ERBB4: variants seen among roughly 807,000 people sequenced by gnomAD.
The protein encoded by ERBB4 is receptor tyrosine-protein kinase erbB-4.
In ERBB4, 42 loss-of-function variants were observed where a neutral mutation model predicts 158.0. That is an observed-to-expected ratio of 0.27 (90% CI 0.21 to 0.34). The LOEUF (loss-of-function observed/expected upper bound fraction) is 0.34. Ranked by LOEUF, ERBB4 falls within the 10% of genes least tolerant of loss-of-function variation. ERBB4 has a pLI of 1.00. For synonymous variants in ERBB4, 583 were observed against 558.7 expected, an observed-to-expected ratio of 1.04 and a Z score of -0.61; for missense variants, 1,333 against 1,624.1, an observed-to-expected ratio of 0.82 and a Z score of 3.08.
At chr2:211,870,858 C>A (rs542601372) in intron 3 of ERBB4, among the ~76,000 whole-genome samples, 171 of 152,142 alleles carry the variant, frequency 1.1e-3, no homozygotes, top group Non-Finnish European at 2.0e-3. Context: ...ATCAAGAATG[C>A]CTGATTTCTC....
At chr2:211,499,712 G>A (rs905853059) in intron 20 of ERBB4, among the ~76,000 whole-genome samples, 1 of 152,076 alleles carries the variant, frequency 6.6e-6, no homozygotes, top group Non-Finnish European at 1.5e-5. Context: ...TCACTCATAA[G>A]CATCAGAATT....
chr2:212,102,343 G>A (rs1318495405), intron 2 of ERBB4, among the ~76,000 whole-genome samples: 1 of 151,396 alleles, frequency 6.6e-6, no homozygotes, highest in African/African-American at 2.4e-5. Context: ...AATAAACGGG[G>A]AAAACATTTT....
chr2:212,350,241 T>C (rs538058530), intron 1 of ERBB4, among the ~76,000 whole-genome samples: 23 of 152,240 alleles, frequency 1.5e-4, no homozygotes, highest in Admixed American at 5.9e-4. Context: ...AATATAGAAA[T>C]GAATTTTCCT....
intron 4 of ERBB4, among the ~76,000 whole-genome samples, chr2:211,776,471 T>C (rs1318510014): frequency 6.6e-6 from 1 of 152,126 alleles, no homozygotes; most frequent in Non-Finnish European, 1.5e-5. Flanking sequence ...ATCTGGGTGA[T>C]CTAGAGGGCA....
intron 1 of ERBB4, among the ~76,000 whole-genome samples, chr2:212,132,995 A>G (rs2080153655): frequency 6.6e-6 from 1 of 152,090 alleles, no homozygotes; most frequent in Non-Finnish European, 1.5e-5. Context: ...ACATGATACA[A>G]CTATTGTATC....
At chr2:211,864,840 G>C (rs184593016) in intron 3 of ERBB4, among the ~76,000 whole-genome samples, 15 of 151,946 alleles carry the variant, frequency 9.9e-5, no homozygotes, top group Admixed American at 8.5e-4. Context: ...GTGGCACCCT[G>C]TCTCTACTAA....
intron 2 of ERBB4, among the ~76,000 whole-genome samples, chr2:211,986,818 C>T (rs1250352799): frequency 1.3e-5 from 2 of 152,070 alleles, no homozygotes; most frequent in Non-Finnish European, 2.9e-5. Flanking sequence ...TTACTAATTA[C>T]ATCTAAATAT....
Position 211,706,520 on chromosome 2 carries a change from G to T in ERBB4, c.1125-1129C>A, listed in dbSNP as rs2073445779. ...TCAGTTCCAGCAACCTTGATCTCTG[G>T]AACCACCTTGTACTGGCTTCCTGAA... On this transcript the variant is annotated intron_variant, in intron 9 of 27. Coordinates refer to ENST00000342788, the MANE Select transcript of ERBB4 (RefSeq NM_005235.3). Among the ~76,000 whole-genome samples, 3 of 150,528 alleles carry T rather than the reference G, an allele frequency of 2.0e-5. No individual in the cohort carries two copies. The South Asian group carries it at 6.3e-4, about 32-fold the overall frequency.
intron 1 of ERBB4, among the ~76,000 whole-genome samples, chr2:212,188,118 C>G (rs184106111): frequency 6.7e-6 from 1 of 149,836 alleles, no homozygotes; most frequent in Admixed American, 6.8e-5. Flanking sequence ...TTGCTCAAGT[C>G]AGAGATCAGG....
At chr2:211,827,748 C>A (rs2105960984) in intron 3 of ERBB4, among the ~76,000 whole-genome samples, 1 of 152,118 alleles carries the variant, frequency 6.6e-6, no homozygotes, top group East Asian at 1.9e-4. Context: ...TATTATTATA[C>A]ATTGATGGCT....
At position 212,090,218 on chromosome 2, in the gene ERBB4, G is replaced by A. The variant is rs932547141; in HGVS notation, c.234+34534C>T. On this transcript the variant is annotated intron_variant, in intron 2 of 27. Coordinates refer to ENST00000342788, the MANE Select transcript of ERBB4 (RefSeq NM_005235.3). ...CAAATCTCCTCTAAAGATAATTCCC[G>A]TCAAGGAACTTAAACAAAAATACAA... Among the ~76,000 whole-genome samples, 12 of 86,236 alleles carry A rather than the reference G, an allele frequency of 1.4e-4. No homozygotes were observed. The East Asian group carries it at 3.4e-3, about 24-fold the overall frequency. 56.6% of individuals were successfully genotyped at this position (86,236 alleles called of 152,430 possible). A position where few individuals can be genotyped will look rare whatever the true frequency, so the allele number is the denominator to read the frequency against.
At chr2:211,821,999 C>A (rs1031545309) in intron 3 of ERBB4, among the ~76,000 whole-genome samples, 1 of 151,742 alleles carries the variant, frequency 6.6e-6, no homozygotes, top group Non-Finnish European at 1.5e-5. Flanking sequence ...TAAAAATAAA[C>A]AAATGGGATG....
chr2:211,777,515 A>G (rs2075911625), intron 4 of ERBB4: 1 of 152,110 alleles, frequency 6.6e-6, no homozygotes, highest in Non-Finnish European at 1.5e-5. Flanking sequence ...TCACTATCTC[A>G]TGCCTGAAAG....
chr2:211,661,970 C>A (rs1340550533), intron 15 of ERBB4, among the ~76,000 whole-genome samples: 2 of 123,910 alleles, frequency 1.6e-5, no homozygotes, highest in Non-Finnish European at 3.2e-5. Context: ...ACCCGGGAGG[C>A]GGAGCTTGCA....
intron 19 of ERBB4, among the ~76,000 whole-genome samples, chr2:211,592,554 G>A (rs2068505775): frequency 1.3e-5 from 2 of 152,098 alleles, no homozygotes; most frequent in African/African-American, 4.8e-5. Context: ...AAGGATGCAT[G>A]AAAAATAAAA....
intron 5 of ERBB4, among the ~76,000 whole-genome samples, chr2:211,738,418 G>C (rs2074680751): frequency 7.0e-6 from 1 of 143,784 alleles, no homozygotes; most frequent in Non-Finnish European, 1.5e-5. Context: ...GCCCAGGCTG[G>C]AGTGAAGTGG....
intron 1 of ERBB4, among the ~76,000 whole-genome samples, chr2:212,537,163 A>G (rs1178086083): frequency 8.0e-6 from 1 of 124,286 alleles, no homozygotes; most frequent in Non-Finnish European, 1.8e-5. Context: ...CGGAGCGGGA[A>G]AACTACAGCT....
At chr2:212,444,908 G>A (rs62186285) in intron 1 of ERBB4, among the ~76,000 whole-genome samples, 32,444 of 151,378 alleles carry the variant, frequency 0.21, 3,730 homozygotes, top group Non-Finnish European at 0.25. Context: ...CACTGGAATA[G>A]ACACTTACTC....
intron 19 of ERBB4, among the ~76,000 whole-genome samples, chr2:211,592,116 T>C (rs2068486983): frequency 6.6e-6 from 1 of 152,144 alleles, no homozygotes; most frequent in Admixed American, 6.5e-5. Flanking sequence ...GGATAAATGG[T>C]TACAGGGAAG....
Sources: gnomAD v4.1 joint callset for allele counts (sites outside exome capture counted in the v4.1 genomes callset) on GRCh38, gnomAD v4.1.1 for gene constraint, MANE v1.5 for transcripts, NCBI Gene and HGNC (gene_info 2026-07-23, HGNC 2026-07-21) for gene names.